The following PCDHGB5 variants were observed in gnomAD, a reference collection of about 807,000 sequenced individuals.
PCDHGB5 encodes the protein protocadherin gamma-B5.
In PCDHGB5, 48 loss-of-function variants were observed where a neutral mutation model predicts 62.9. That is an observed-to-expected ratio of 0.76 (90% CI 0.61 to 0.97). PCDHGB5 has a LOEUF of 0.97. PCDHGB5 is among the 50% of genes least tolerant of loss of function. PCDHGB5 has a pLI of 0.00. For missense variants in PCDHGB5, 1,118 were observed against 1,198.6 expected (o/e 0.93, Z 0.99); for synonymous variants, 474 against 511.2 (o/e 0.93, Z 0.98).
At chr5:141,499,007 AG>A (rs2099788320) in intron 2 of PCDHGB5, among the ~76,000 whole-genome samples, 1 of 151,128 alleles carries the variant, frequency 6.6e-6, no homozygotes, top group Non-Finnish European at 1.5e-5. Flanking sequence ...GAAGGAAGGA[AG>A]GAAGGAAGGA....
chr5:141,403,213 G>A (rs1314899957), intron 1 of PCDHGB5: 1 of 1,613,970 alleles, frequency 6.2e-7, no homozygotes, highest in Non-Finnish European at 8.5e-7. Flanking sequence ...TGGTCACCGC[G>A]GGTAGGATAG....
At chr5:141,423,460 G>A in intron 1 of PCDHGB5, 1 of 1,614,046 alleles carries the variant, frequency 6.2e-7, no homozygotes, top group Non-Finnish European at 8.5e-7. Context: ...TGTAGGCGTG[G>A]ACGGGGTACA....
In PCDHGB5 at chr5:141,418,134, G is replaced by A. The variant is rs367774534; in HGVS notation, c.2397+17610G>A. ...TTACTTGTGAAGGACCGAATAGACC[G>A]TGAGCAAATATGCAAAGAGAGAAGA... On this transcript the variant is annotated intron_variant, in intron 1 of 3. Transcript: ENST00000617380. The A allele has an allele frequency of 3.1e-6, 5 of 1,613,970 alleles. No individual in the cohort carries two copies. In the African/African-American group the frequency reaches 4.0e-5, roughly 13 times the overall value.
intron 1 of PCDHGB5, chr5:141,408,074 C>T: frequency 7.2e-7 from 1 of 1,395,302 alleles, no homozygotes; most frequent in Non-Finnish European, 9.5e-7. Context: ...CAGACCTTTC[C>T]CAGCACAGCG....
intron 1 of PCDHGB5, among the ~76,000 whole-genome samples, chr5:141,438,587 C>CAT (rs1372372472): frequency 1.4e-4 from 10 of 73,396 alleles, no homozygotes; most frequent in East Asian, 3.8e-4. Context: ...TACATACATA[C>CAT]ATACATATAT....
chr5:141,511,486 TC>T lies in PCDHGB5; in HGVS notation c.*315del. The T allele has an allele frequency of 2.2e-6, 1 of 449,906 alleles. No homozygotes were observed. 27.9% of individuals were successfully genotyped at this position (449,906 alleles called of 1,614,324 possible). A position where few individuals can be genotyped will look rare whatever the true frequency, so the allele number is the denominator to read the frequency against. On this transcript the variant is annotated 3_prime_UTR_variant, in exon 4 of 4. Transcript: ENST00000617380. ...CCCCGTTTAGTTACAGCTGAACTCC[TC>T]CATCTTCCAAATCAATCAGGCCCAT...
At chr5:141,413,336 A>G (rs1561741680) in intron 1 of PCDHGB5, 1 of 1,613,972 alleles carries the variant, frequency 6.2e-7, no homozygotes, top group Non-Finnish European at 8.5e-7. Flanking sequence ...AACATCTCCA[A>G]GGACTTGGGT....
chr5:141,488,552 A>C (rs993681273), intron 1 of PCDHGB5, among the ~76,000 whole-genome samples: 1 of 152,194 alleles, frequency 6.6e-6, no homozygotes, highest in African/African-American at 2.4e-5. Context: ...GTCAGCTGAC[A>C]TTGAGATTTC....
chr5:141,420,238 T>C, intron 1 of PCDHGB5: 2 of 1,594,838 alleles, frequency 1.3e-6, no homozygotes, highest in South Asian at 1.1e-5. Context: ...GCATTTTAAC[T>C]CCCAGCGTTG....
chr5:141,509,513 T>C (rs2099877131), intron 3 of PCDHGB5, among the ~76,000 whole-genome samples: 2 of 152,068 alleles, frequency 1.3e-5, no homozygotes, highest in Non-Finnish European at 2.9e-5. Flanking sequence ...ACGGTGTTGA[T>C]GATGTATTGC....
At chr5:141,414,183 A>C in intron 1 of PCDHGB5, 1 of 1,609,508 alleles carries the variant, frequency 6.2e-7, no homozygotes, top group Non-Finnish European at 8.5e-7. Flanking sequence ...CAACTGCAAA[A>C]GTGTTGATTA....
rs549829392 is a variant in PCDHGB5 at position 141,403,606 on chromosome 5, C to T, written c.2397+3082C>T. The T allele has an allele frequency of 3.1e-5, 50 of 1,613,710 alleles. No homozygotes were observed. The East Asian group carries it at 8.5e-4, about 27-fold the overall frequency. Reference sequence around the variant, plus strand: ...TGGTCCTCACGGCCTCGGATGGCGGCGAGCCGCGTCGCTCCAGCACAGTGC... The same window carrying T: ...TGGTCCTCACGGCCTCGGATGGCGGTGAGCCGCGTCGCTCCAGCACAGTGC... On this transcript the variant is annotated intron_variant, in intron 1 of 3. Coordinates refer to ENST00000617380, the MANE Select transcript of PCDHGB5 (RefSeq NM_018925.3).
At position 141,431,174 on chromosome 5, in the gene PCDHGB5, G is replaced by C. The variant is rs568632160; in HGVS notation, c.2397+30650G>C. 6.2e-7 allele frequency: 1 copy of C among 1,614,224 alleles called. No individual in the cohort carries two copies. The highest frequency in any genetic ancestry group is 1.1e-5 in the South Asian group (1 of 91,088). ...GCCTTACTTTCGTGAAAGTGAATTA[G>C]AAATAAAAATTAGTGAAAATGCAGC... is the stretch of plus-strand genomic sequence containing the variant. On this transcript the variant is annotated intron_variant, in intron 1 of 3. Coordinates refer to ENST00000617380, the MANE Select transcript of PCDHGB5 (RefSeq NM_018925.3). This position sits in a 1 kb window ranked among gnomAD's most constrained non-coding sequence, Gnocchi z 4.8.
At chr5:141,449,264 C>CTG (rs2098633558) in intron 1 of PCDHGB5, among the ~76,000 whole-genome samples, 1 of 152,056 alleles carries the variant, frequency 6.6e-6, no homozygotes, top group African/African-American at 2.4e-5. Context: ...GTACAAAGAA[C>CTG]TGTATCTCCT....
At position 141,408,331 on chromosome 5, in the gene PCDHGB5, G is replaced by C. The variant is rs779178317; in HGVS notation, c.2397+7807G>C. On this transcript the variant is annotated intron_variant, in intron 1 of 3. Transcript: ENST00000617380. Reference sequence around the variant, plus strand: ...ACTCGATTCCGGAGGAGCTGGCCAAGGGCTCGGTGGTGGGGAACCTCGCTA... The same window carrying C: ...ACTCGATTCCGGAGGAGCTGGCCAACGGCTCGGTGGTGGGGAACCTCGCTA... 3.1e-6 allele frequency: 5 copies of C among 1,613,932 alleles called. No individual in the cohort carries two copies. In the South Asian group the frequency reaches 5.5e-5, roughly 18 times the overall value.
rs1222364302 is a variant in PCDHGB5, at chr5:141,414,920, C to T, written c.2397+14396C>T. On this transcript the variant is annotated intron_variant, in intron 1 of 3. Coordinates refer to ENST00000617380, the MANE Select transcript of PCDHGB5 (RefSeq NM_018925.3). ...GACGGTTCCACAGGCGTGGAGCTGG[C>T]GCCCCGCTCCGCAGAGCCCGGCTAC... 2.5e-6 allele frequency: 4 copies of T among 1,614,146 alleles called. No individual in the cohort carries two copies. The South Asian group carries it at 3.3e-5, about 13-fold the overall frequency.
intron 1 of PCDHGB5, chr5:141,422,019 G>T (rs777239843): frequency 1.9e-6 from 3 of 1,610,862 alleles, no homozygotes; most frequent in Non-Finnish European, 2.5e-6. Context: ...GGGTGCTGAT[G>T]GTTAATGCAA....
chr5:141,507,616 G>A (rs1288020739), intron 3 of PCDHGB5, among the ~76,000 whole-genome samples: 3 of 152,252 alleles, frequency 2.0e-5, no homozygotes, highest in Non-Finnish European at 4.4e-5. Context: ...GGTATATTTA[G>A]CTGTTGTGGC....
At chr5:141,447,768 T>C (rs1392134454) in intron 1 of PCDHGB5, among the ~76,000 whole-genome samples, 1 of 152,212 alleles carries the variant, frequency 6.6e-6, no homozygotes, top group East Asian at 1.9e-4. Context: ...ATATAAATTA[T>C]ACTTTAATTG....
Sources: gnomAD v4.1 joint callset for allele counts (sites outside exome capture counted in the v4.1 genomes callset) on GRCh38, gnomAD v4.1.1 for gene constraint, Gnocchi (gnomAD v3.1) non-coding constraint, MANE v1.5 for transcripts, NCBI Gene and HGNC (gene_info 2026-07-23, HGNC 2026-07-21) for gene names.